PSMA8: variants seen among roughly 807,000 people sequenced by gnomAD.
PSMA8 encodes proteasome subunit alpha-type 8.
A neutral mutation model predicts 32.4 loss-of-function variants in PSMA8; 18 were observed. The observed-to-expected ratio is 0.56, with a 90% CI of 0.38 to 0.82. PSMA8 has a LOEUF of 0.82. Ranked by LOEUF, PSMA8 falls within the 40% of genes least tolerant of loss-of-function variation. PSMA8 has a pLI of 0.00. For synonymous variants in PSMA8, 104 were observed against 98.1 expected, an observed-to-expected ratio of 1.06 and a Z score of -0.36; for missense variants, 298 against 300.7, an observed-to-expected ratio of 0.99 and a Z score of 0.07.
chr18:26,135,238 C>T (rs1366682507), intron 1 of PSMA8, among the ~76,000 whole-genome samples: 1 of 152,140 alleles, frequency 6.6e-6, no homozygotes, highest in African/African-American at 2.4e-5. Context: ...AGATCTATTA[C>T]CCCAAATCTT....
intron 1 of PSMA8, among the ~76,000 whole-genome samples, chr18:26,138,157 AG>A (rs1402253710): frequency 6.6e-6 from 1 of 152,234 alleles, no homozygotes; most frequent in African/African-American, 2.4e-5. Flanking sequence ...GGCTACTGTC[AG>A]TCTCCAGATT....
chr18:26,165,031 C>T (rs1010300939), intron 4 of PSMA8, among the ~76,000 whole-genome samples: 4 of 152,096 alleles, frequency 2.6e-5, no homozygotes, highest in Non-Finnish European at 5.9e-5. Context: ...GATTCTTCTG[C>T]CTCAGCCTCC....
rs1169737907 is a variant in PSMA8, at chr18:26,134,037, C to G, written c.72C>G (p.Ala24=). ...GACACCTTTTTCAAGTTGAATATGC[C>G]CAGGAAGCGGTGAAGAAAGGATCCA... is the stretch of plus-strand genomic sequence containing the variant. ...PDGHLFQVEY[A]QEAVKKGSTA... is the part of the protein sequence containing the mutation. The change falls in exon 1 of 7, where the codon GCC becomes GCG. Residue 24 remains alanine (A), a synonymous_variant. Transcript: ENST00000415576. The G allele has an allele frequency of 6.2e-7, 1 of 1,613,752 alleles. No homozygotes were observed. Among genetic ancestry groups the G allele is most frequent in the Non-Finnish European group, 8.5e-7 (1 of 1,179,858 alleles).
chr18:26,144,665 A>G lies in PSMA8; in HGVS notation c.209A>G (p.His70Arg). The change falls in exon 2 of 7, where the codon CAT becomes CGT. Residue 70 changes from histidine (H) to arginine (R), a missense_variant. His to Arg is a conservative substitution (Grantham distance 29). Transcript: ENST00000415576. Reference protein sequence around the residue: ...TVRKICALDDHVCMAFAGLTA... With the variant: ...TVRKICALDDRVCMAFAGLTA... Reference sequence around the variant, plus strand: ...AGGAAAATTTGTGCCCTTGATGACCATGTCTGCATGGCTTTTGCAGGTACT... The same window carrying G: ...AGGAAAATTTGTGCCCTTGATGACCGTGTCTGCATGGCTTTTGCAGGTACT... 1 of 1,613,936 alleles carries G rather than the reference A, an allele frequency of 6.2e-7. No individual in the cohort carries two copies. Among genetic ancestry groups the G allele is most frequent in the Admixed American group, 1.7e-5 (1 of 60,010 alleles).
chr18:26,173,647 C>G (rs1244544902), intron 4 of PSMA8, among the ~76,000 whole-genome samples: 2 of 152,002 alleles, frequency 1.3e-5, no homozygotes, highest in Non-Finnish European at 2.9e-5. Flanking sequence ...ACCTCCACCC[C>G]CCAGGTTCAA....
At chr18:26,144,810 C>T (rs2054989525) in intron 2 of PSMA8, 125 bp downstream of exon 2, 1 of 831,090 alleles carries the variant, frequency 1.2e-6, no homozygotes, top group African/African-American at 1.7e-5. Flanking sequence ...ACAATATATC[C>T]TACGTTTTAA....
chr18:26,133,911 T>A lies in PSMA8; in HGVS notation c.-55T>A, dbSNP rs76463276. On this transcript the variant is annotated 5_prime_UTR_variant, in exon 1 of 7. In the 5' UTR this introduces an upstream ATG that the reference lacks. Coordinates refer to ENST00000415576, the MANE Select transcript of PSMA8 (RefSeq NM_001025096.2). ...CGCTGTGTTGGCGGCGGCTCCCCGC[T>A]TGCCTCAGCTGCAGCAGCGGGAAGC... 1.9e-3 allele frequency: 2,821 copies of A among 1,489,446 alleles called. 40 individuals are homozygous for A. In the African/African-American group the frequency reaches 0.034, roughly 18 times the overall value. The allele number at this position is 1,489,446 out of a possible 1,614,324, so 92.3% of individuals were successfully genotyped here. A position where few individuals can be genotyped will look rare whatever the true frequency, so the allele number is the denominator to read the frequency against.
At chr18:26,172,036 G>A (rs1017093827) in intron 4 of PSMA8, among the ~76,000 whole-genome samples, 2 of 152,172 alleles carry the variant, frequency 1.3e-5, no homozygotes, top group Non-Finnish European at 2.9e-5. Flanking sequence ...AGCATGGAGA[G>A]TCTCCTTGTT....
intron 6 of PSMA8, among the ~76,000 whole-genome samples, chr18:26,186,084 C>T (rs926252924): frequency 6.9e-6 from 1 of 144,540 alleles, no homozygotes; most frequent in Non-Finnish European, 1.5e-5. Context: ...ACTAAAAATA[C>T]ACACACAAAA....
intron 4 of PSMA8, among the ~76,000 whole-genome samples, chr18:26,160,079 A>G (rs2055123331): frequency 6.6e-6 from 1 of 152,172 alleles, no homozygotes; most frequent in South Asian, 2.1e-4. Flanking sequence ...AGGCAAAAGG[A>G]TTACTTGAAT....
intron 6 of PSMA8, among the ~76,000 whole-genome samples, chr18:26,182,581 T>C (rs2055320416): frequency 1.3e-5 from 2 of 152,226 alleles, no homozygotes; most frequent in African/African-American, 4.8e-5. Context: ...CCGATGGACA[T>C]GTACAAGGAA....
intron 6 of PSMA8, among the ~76,000 whole-genome samples, chr18:26,188,597 A>G (rs1258725162): frequency 1.3e-5 from 2 of 152,202 alleles, no homozygotes; most frequent in Non-Finnish European, 2.9e-5. Flanking sequence ...AAATTATGCT[A>G]CAGAGCTATG....
intron 3 of PSMA8, among the ~76,000 whole-genome samples, chr18:26,154,676 C>T (rs1162002908): frequency 6.6e-6 from 1 of 152,104 alleles, no homozygotes; most frequent in East Asian, 1.9e-4. Flanking sequence ...TGCAGTGGTG[C>T]AATCTTCTTG....
At chr18:26,140,074 T>G (rs886894437) in intron 1 of PSMA8, 1 of 703,094 alleles carries the variant, frequency 1.4e-6, no homozygotes, top group East Asian at 2.7e-5. Context: ...TTCACGATTC[T>G]TGTGGCCTGG....
rs531505910 is a variant in PSMA8 at position 26,185,633 on chromosome 18, T to C, written c.660+6503T>C. Among the ~76,000 whole-genome samples the C allele has an allele frequency of 3.0e-3, 460 of 150,978 alleles. 22 individuals are homozygous for C. The highest frequency in any genetic ancestry group is 4.9e-3 in the Non-Finnish European group (330 of 67,756). ...CTGGTTGGCTAATGTTAAGCACTGA[T>C]ATAGAATGGATGTTTGGGGAATCAA... On this transcript the variant is annotated intron_variant, in intron 6 of 6. Transcript: ENST00000415576.
chr18:26,146,397 A>G (rs931077221), intron 2 of PSMA8, among the ~76,000 whole-genome samples: 4 of 152,190 alleles, frequency 2.6e-5, no homozygotes, highest in African/African-American at 7.2e-5. Context: ...TCATTCAGAA[A>G]AACAAAAATG....
chr18:26,181,343 A>C (rs973292730), intron 6 of PSMA8, among the ~76,000 whole-genome samples: 12 of 152,174 alleles, frequency 7.9e-5, no homozygotes, highest in African/African-American at 2.9e-4. Context: ...TAAATGTTGC[A>C]TGTGTTCTGA....
intron 4 of PSMA8, among the ~76,000 whole-genome samples, chr18:26,176,959 C>A (rs1011100010): frequency 4.6e-5 from 7 of 151,994 alleles, no homozygotes; most frequent in Middle Eastern, 3.4e-3. Flanking sequence ...AATAATAATA[C>A]TAAACAGTTA....
intron 4 of PSMA8, among the ~76,000 whole-genome samples, chr18:26,174,902 C>G (rs913337128): frequency 2.6e-5 from 4 of 152,216 alleles, no homozygotes; most frequent in African/African-American, 9.6e-5. Flanking sequence ...CCCAAGATTA[C>G]TTGAACGTAG....
Sources: gnomAD v4.1 joint callset for allele counts (sites outside exome capture counted in the v4.1 genomes callset) on GRCh38, gnomAD v4.1.1 for gene constraint, MANE v1.5 for transcripts, NCBI Gene and HGNC (gene_info 2026-07-23, HGNC 2026-07-21) for gene names.